Variants in NKAIN2 observed in about 807,000 individuals in gnomAD.
NKAIN2 encodes sodium/potassium transporting ATPase interacting 2, also known as sodium/potassium-transporting ATPase subunit beta-1-interacting protein 2.
Under a neutral mutation model 32.6 loss-of-function variants are expected in NKAIN2, and 14 were observed. The observed-to-expected ratio is 0.43, with a 90% CI of 0.28 to 0.67. NKAIN2 has a LOEUF of 0.67. Ranked by LOEUF, NKAIN2 falls within the 30% of genes least tolerant of loss-of-function variation. The pLI, the probability that NKAIN2 is intolerant of heterozygous loss-of-function variation, is 0.17. For synonymous variants in NKAIN2, 80 were observed against 87.2 expected (o/e 0.92, Z 0.46); for missense variants, 198 against 258.3 (o/e 0.77, Z 1.60).
intron 5 of NKAIN2, among the ~76,000 whole-genome samples, chr6:124,800,819 A>T (rs769508904): frequency 8.5e-5 from 13 of 152,182 alleles, no homozygotes; most frequent in Non-Finnish European, 1.6e-4. Flanking sequence ...AGGGGCAGGC[A>T]GTGTAACATT....
At chr6:124,282,938 C>T in intron 1 of NKAIN2, 67 bp from the exon 2 acceptor site, 3 of 1,392,548 alleles carry the variant, frequency 2.2e-6, no homozygotes, top group South Asian at 1.2e-5. Flanking sequence ...TAATTTTATC[C>T]TTTTTTCCTC....
chr6:124,241,473 C>T (rs372855893), intron 1 of NKAIN2, among the ~76,000 whole-genome samples: 20 of 152,206 alleles, frequency 1.3e-4, no homozygotes, highest in South Asian at 1.0e-3. Context: ...GGAGGCATCA[C>T]GCTACCTGAC....
chr6:124,210,819 A>G (rs1179214693), intron 1 of NKAIN2, among the ~76,000 whole-genome samples: 5 of 151,722 alleles, frequency 3.3e-5, no homozygotes, highest in Non-Finnish European at 7.4e-5. Context: ...TACTGAACTT[A>G]TCAGTTCAAT....
chr6:123,973,987 G>A (rs1455715836), intron 1 of NKAIN2, among the ~76,000 whole-genome samples: 1 of 152,040 alleles, frequency 6.6e-6, no homozygotes, highest in Non-Finnish European at 1.5e-5. Context: ...TGTATATAAT[G>A]GCTCAAAGAC....
intron 1 of NKAIN2, among the ~76,000 whole-genome samples, chr6:124,169,823 G>T (rs1349966626): frequency 6.6e-6 from 1 of 152,090 alleles, no homozygotes. Context: ...GGGGTGGAAC[G>T]GACTTTCACC....
At chr6:124,501,706 T>C (rs574251596) in intron 3 of NKAIN2, among the ~76,000 whole-genome samples, 3 of 152,268 alleles carry the variant, frequency 2.0e-5, no homozygotes, top group East Asian at 3.9e-4. Flanking sequence ...TGATACATTA[T>C]AGAGCCCTGA....
chr6:123,984,531 A>G (rs1779045749), intron 1 of NKAIN2, among the ~76,000 whole-genome samples: 1 of 152,162 alleles, frequency 6.6e-6, no homozygotes, highest in Non-Finnish European at 1.5e-5. Context: ...AAGAAAAAAG[A>G]TATAGAACCT....
chr6:124,588,032 T>A (rs529095530), intron 3 of NKAIN2, among the ~76,000 whole-genome samples: 30 of 152,292 alleles, frequency 2.0e-4, no homozygotes, highest in African/African-American at 7.2e-4. Flanking sequence ...ATGAGCATGT[T>A]CCACTGCTTA....
chr6:124,149,415 C>T (rs1226744176), intron 1 of NKAIN2, among the ~76,000 whole-genome samples: 1 of 152,158 alleles, frequency 6.6e-6, no homozygotes, highest in African/African-American at 2.4e-5. Flanking sequence ...ATAGTTTTAG[C>T]TCTTACATTT....
At chr6:124,000,359 G>A (rs2015745) in intron 1 of NKAIN2, among the ~76,000 whole-genome samples, 65,877 of 151,680 alleles carry the variant, frequency 0.43, 14,943 homozygotes, top group East Asian at 0.61. Flanking sequence ...GTTCTAGGAT[G>A]GAATATTTGT....
chr6:124,344,533 G>C (rs1798303914), intron 2 of NKAIN2, among the ~76,000 whole-genome samples: 1 of 151,408 alleles, frequency 6.6e-6, no homozygotes, highest in Admixed American at 6.6e-5. Flanking sequence ...AGTTCTCCTT[G>C]AAGAGGTCCT....
intron 3 of NKAIN2, among the ~76,000 whole-genome samples, chr6:124,459,214 G>T (rs1388255911): frequency 2.0e-5 from 3 of 151,866 alleles, no homozygotes; most frequent in Non-Finnish European, 2.9e-5. Context: ...GACCCTGGGA[G>T]ATTGACTGGC....
intron 2 of NKAIN2, among the ~76,000 whole-genome samples, chr6:124,323,777 A>ATTTTCTTTTTTTTTTTTTTT (rs1237658485): frequency 3.5e-5 from 4 of 115,496 alleles, no homozygotes; most frequent in Admixed American, 8.9e-5. Context: ...AATTCTTTTA[A>ATTTTCTTTTTTTTTTTTTTT]TTTTTTCTTT....
intron 3 of NKAIN2, among the ~76,000 whole-genome samples, chr6:124,532,027 T>C (rs1450314612): frequency 6.6e-6 from 1 of 152,202 alleles, no homozygotes; most frequent in Non-Finnish European, 1.5e-5. Flanking sequence ...GGGCTCAGTC[T>C]ACACCCAGAG....
chr6:124,166,769 T>C (rs1217387545), intron 1 of NKAIN2, among the ~76,000 whole-genome samples: 8 of 150,610 alleles, frequency 5.3e-5, no homozygotes, highest in African/African-American at 1.9e-4. Context: ...ATTTATTAAA[T>C]AGGGAATCCT....
intron 1 of NKAIN2, among the ~76,000 whole-genome samples, chr6:124,204,469 C>G (rs964941116): frequency 1.3e-5 from 2 of 151,692 alleles, no homozygotes; most frequent in Non-Finnish European, 3.0e-5. Context: ...AGAGGACTTT[C>G]TATTTGAAAT....
intron 3 of NKAIN2, among the ~76,000 whole-genome samples, chr6:124,414,451 G>A (rs956397476): frequency 3.9e-5 from 6 of 151,988 alleles, no homozygotes; most frequent in Admixed American, 3.9e-4. Context: ...GAGAGATATT[G>A]GTCTATAATT....
chr6:124,148,107 T>C (rs1361528235), intron 1 of NKAIN2, among the ~76,000 whole-genome samples: 1 of 152,148 alleles, frequency 6.6e-6, no homozygotes, highest in Non-Finnish European at 1.5e-5. Context: ...TGAGTAAAGA[T>C]TTTCATTATT....
At chr6:124,681,243 A>G (rs1238177302) in intron 4 of NKAIN2, among the ~76,000 whole-genome samples, 1 of 152,016 alleles carries the variant, frequency 6.6e-6, no homozygotes, top group Non-Finnish European at 1.5e-5. Context: ...CTCTACTTAT[A>G]TATTTAATTT....
Sources: allele counts gnomAD v4.1 joint callset (sites outside exome capture counted in the v4.1 genomes callset), GRCh38; gene constraint gnomAD v4.1.1; transcripts MANE v1.5; gene names NCBI Gene and HGNC (gene_info 2026-07-23, HGNC 2026-07-21).